The following SEMA6B variants were observed in gnomAD, a reference collection of about 807,000 sequenced individuals.
The protein encoded by SEMA6B is semaphorin-6B.
In SEMA6B, 47 loss-of-function variants were observed where a neutral mutation model predicts 78.6. The observed-to-expected ratio is 0.60, with a 90% confidence interval of 0.47 to 0.76. The LOEUF (loss-of-function observed/expected upper bound fraction) is 0.76. Among genes scored for constraint, SEMA6B ranks in the 30% least tolerant of loss-of-function variants. The pLI is 0.00. For missense variants in SEMA6B, 1,213 were observed against 1,269.9 expected, an observed-to-expected ratio of 0.96 and a Z score of 0.68; for synonymous variants, 632 against 592.2, an observed-to-expected ratio of 1.07 and a Z score of -0.98.
At position 4,557,151 on chromosome 19, in the gene SEMA6B, C is replaced by G. The variant is rs746444509; in HGVS notation, c.306+12G>C. 2 of 1,610,038 alleles carry G rather than the reference C, an allele frequency of 1.2e-6. No individual in the cohort carries two copies. Among genetic ancestry groups the G allele is most frequent in the South Asian group, 2.2e-5 (2 of 90,860 alleles). On this transcript the variant is annotated intron_variant, in intron 4 of 16. Coordinates refer to ENST00000586582, the MANE Select transcript of SEMA6B (RefSeq NM_032108.4). ...CCCTACCCCTCCACTCCCACCTGCA[C>G]CCCTTCCTCACCCTCTGGTACCGCA...
Position 4,556,848 on chromosome 19 carries a change from G to A in SEMA6B, c.369+103C>T, listed in dbSNP as rs1173018154. 4 of 1,076,066 alleles carry A rather than the reference G, an allele frequency of 3.7e-6. No homozygotes were observed. In the African/African-American group the frequency reaches 5.1e-5, roughly 14 times the overall value. The allele number at this position is 1,076,066 out of a possible 1,614,324, so 66.7% of individuals were successfully genotyped here. A position where few individuals can be genotyped will look rare whatever the true frequency, so the allele number is the denominator to read the frequency against. On this transcript the variant is annotated intron_variant, in intron 5 of 16. Coordinates refer to ENST00000586582, the MANE Select transcript of SEMA6B (RefSeq NM_032108.4). Reference sequence around the variant, plus strand: ...CTGATTGGGGGTGGGTTGGGGCGTGGCCAGGGCTGGCGGGGTGGGCGTGGC... The same window carrying A: ...CTGATTGGGGGTGGGTTGGGGCGTGACCAGGGCTGGCGGGGTGGGCGTGGC...
At chr19:4,545,601 A>G (rs898485206) in intron 16 of SEMA6B, among the ~76,000 whole-genome samples, 13 of 152,034 alleles carry the variant, frequency 8.6e-5, no homozygotes, top group African/African-American at 3.1e-4. Flanking sequence ...TGGCCTCTCA[A>G]AATGCTGGGA....
At position 4,546,425 on chromosome 19, in the gene SEMA6B, T is replaced by G; in HGVS notation, c.1646A>C (p.Asp549Ala). The change falls in exon 15 of 17, where the codon GAC (aspartate) becomes GCC (alanine). Residue 549 changes from aspartate to alanine, a missense_variant. Transcript: ENST00000586582. The part of the protein sequence containing the change: ...SQDPYCGWAP[D>A]GSCIFLSPGT... ...CGGGCTGAGGAAGATGCAGGAGCCGTCGGGGGCCCACCCGCAGTAGGGGTC... is the reference window on the plus strand; with the variant it reads ...CGGGCTGAGGAAGATGCAGGAGCCGGCGGGGGCCCACCCGCAGTAGGGGTC... 1 of 1,580,444 alleles carries G rather than the reference T, an allele frequency of 6.3e-7. No individual in the cohort carries two copies. The highest frequency in any genetic ancestry group is 8.6e-7 in the Non-Finnish European group (1 of 1,162,604).
Position 4,555,932 on chromosome 19 carries a change from CG to C in SEMA6B, c.471+55del. 1 of 1,395,406 alleles carries C rather than the reference CG, an allele frequency of 7.2e-7. No individual in the cohort carries two copies. The allele number at this position is 1,395,406 out of a possible 1,614,324, so 86.4% of individuals were successfully genotyped here. ...GGGAAAAGCCATGGCCAGCGGAGGT[CG>C]GGCGAGCAGAGGCCTGGAGGTTGGA... On this transcript the variant is annotated intron_variant, in intron 6 of 16. Coordinates refer to ENST00000586582, the MANE Select transcript of SEMA6B (RefSeq NM_032108.4). The surrounding 1 kb of genome is among the most constrained non-coding windows in gnomAD (Gnocchi z 6.1).
intron 10 of SEMA6B, 99 bp from the exon 11 acceptor site, chr19:4,551,029 T>C: frequency 7.2e-7 from 1 of 1,397,230 alleles, no homozygotes; most frequent in Non-Finnish European, 1.0e-6. Context: ...CAGTGAATCT[T>C]CAGTCTTCCT....
In SEMA6B at chr19:4,543,995, G is replaced by T. The variant is rs1316663670; in HGVS notation, c.2273C>A (p.Ala758Asp). 8.3e-7 allele frequency: 1 copy of T among 1,207,988 alleles called. No homozygotes were observed. Among genetic ancestry groups the T allele is most frequent in the Non-Finnish European group, 1.0e-6 (1 of 972,894 alleles). The allele number at this position is 1,207,988 out of a possible 1,614,324, so 74.8% of individuals were successfully genotyped here. A position where few individuals can be genotyped will look rare whatever the true frequency, so the allele number is the denominator to read the frequency against. Reference sequence around the variant, plus strand: ...CCCAGGCGCGGGGGGCTGCTCGGGGGCCCGGGCGGGCGCCAGCAGCAGGAG... The same window carrying T: ...CCCAGGCGCGGGGGGCTGCTCGGGGTCCCGGGCGGGCGCCAGCAGCAGGAG... ...SSLLLLAPAR[A>D]PEQPPAPGEP... Residue 758 changes from alanine (A) to aspartate (D), a missense_variant, in exon 17 of 17, where the codon GCC (alanine) becomes GAC (aspartate). Coordinates refer to ENST00000586582, the MANE Select transcript of SEMA6B (RefSeq NM_032108.4).
Position 4,550,990 on chromosome 19 carries a change from T to A in SEMA6B, c.990-60A>T. 1 of 1,594,372 alleles carries A rather than the reference T, an allele frequency of 6.3e-7. No homozygotes were observed. Among genetic ancestry groups the A allele is most frequent in the Non-Finnish European group, 8.6e-7 (1 of 1,165,506 alleles). On this transcript the variant is annotated intron_variant, in intron 10 of 16. Transcript: ENST00000586582. The surrounding 1 kb of genome is among the most constrained non-coding windows in gnomAD (Gnocchi z 6.6). ...GGTGGGAGGCCCCATCTCGGACAAG[T>A]GCGTGCAGGAGCCTCTGTCTGCAGG... is the stretch of plus-strand genomic sequence containing the variant.
At position 4,555,966 on chromosome 19, in the gene SEMA6B, C is replaced by A; in HGVS notation, c.471+22G>T. On this transcript the variant is annotated intron_variant, in intron 6 of 16. Transcript: ENST00000586582. The surrounding 1 kb of genome is among the most constrained non-coding windows in gnomAD (Gnocchi z 6.1). ...AGAGGCCTGGAGGTTGGACCTGGGG[C>A]GCAGGGAGTCTGAAGACTCACGCTG... is the stretch of plus-strand genomic sequence containing the variant. 5.6e-6 allele frequency: 9 copies of A among 1,593,272 alleles called. No homozygotes were observed. The highest frequency in any genetic ancestry group is 2.2e-5 in the South Asian group (2 of 90,652).
rs367572497 is a variant in SEMA6B, at chr19:4,546,426, C to T, written c.1645G>A (p.Asp549Asn). 55 of 1,579,836 alleles carry T rather than the reference C, an allele frequency of 3.5e-5. No homozygotes were observed. The highest frequency in any genetic ancestry group is 5.4e-5 in the Admixed American group (3 of 55,794). Residue 549 changes from aspartate to asparagine, a missense_variant, in exon 15 of 17, where the codon GAC becomes AAC. By Grantham distance (23) the Asp-to-Asn change is conservative. Transcript: ENST00000586582. Reference sequence around the variant, plus strand: ...GGGCTGAGGAAGATGCAGGAGCCGTCGGGGGCCCACCCGCAGTAGGGGTCC... The same window carrying T: ...GGGCTGAGGAAGATGCAGGAGCCGTTGGGGGCCCACCCGCAGTAGGGGTCC... ...SQDPYCGWAP[D>N]GSCIFLSPGT...
At position 4,544,499 on chromosome 19, in the gene SEMA6B, C is replaced by A; in HGVS notation, c.1769G>T (p.Arg590Leu). 1.3e-6 allele frequency: 2 copies of A among 1,574,888 alleles called. No individual in the cohort carries two copies. Among genetic ancestry groups the A allele is most frequent in the South Asian group, 1.1e-5 (1 of 87,258 alleles). ...GLLRASLSED[R>L]AGLVSVNLLV... ...CAGGTTCACCGACACCAGCCCCGCG[C>A]GGTCCTCGGAGAGGCTGGCCCGCAG... The change falls in exon 17 of 17, where the codon CGC (arginine) becomes CTC (leucine). Residue 590 changes from arginine to leucine, a missense_variant. Coordinates refer to ENST00000586582, the MANE Select transcript of SEMA6B (RefSeq NM_032108.4). The surrounding 1 kb of genome is among the most constrained non-coding windows in gnomAD (Gnocchi z 5.1).
intron 12 of SEMA6B, among the ~76,000 whole-genome samples, chr19:4,548,816 C>T (rs899437589): frequency 5.9e-5 from 9 of 152,148 alleles, no homozygotes; most frequent in Admixed American, 1.3e-4. Flanking sequence ...TACAGGCACA[C>T]GCCATCACGC....
At chr19:4,556,516 C>A (rs1198323626) in intron 5 of SEMA6B, among the ~76,000 whole-genome samples, 1 of 2,688 alleles carries the variant, frequency 3.7e-4, no homozygotes, top group Non-Finnish European at 7.4e-4. Context: ...CTTATTGGGG[C>A]GGGCCGGGGG....
In SEMA6B at chr19:4,543,374, T is replaced by TTGGGGGGGGG; in HGVS notation, c.*226_*227insCCCCCCCCCA. 1 of 363,572 alleles carries TTGGGGGGGGG rather than the reference T, an allele frequency of 2.8e-6. No homozygotes were observed. Among genetic ancestry groups the TTGGGGGGGGG allele is most frequent in the Non-Finnish European group, 4.8e-6 (1 of 208,168 alleles). The allele number at this position is 363,572 out of a possible 1,614,324, so 22.5% of individuals were successfully genotyped here. ...CAACCTCAAATCCATAGCAAAGTCC[T>TTGGGGGGGGG]CCCGCCCACCCACCCCCAAACCGTC... is the stretch of plus-strand genomic sequence containing the variant. On this transcript the variant is annotated 3_prime_UTR_variant, in exon 17 of 17. Transcript: ENST00000586582.
At position 4,548,097 on chromosome 19, in the gene SEMA6B, G is replaced by C; in HGVS notation, c.1531C>G (p.Leu511Val). 4 of 1,591,818 alleles carry C rather than the reference G, an allele frequency of 2.5e-6. No individual in the cohort carries two copies. The highest frequency in any genetic ancestry group is 3.4e-6 in the Non-Finnish European group (4 of 1,174,498). Residue 511 changes from leucine (L) to valine (V), a missense_variant, in exon 14 of 17, where the codon CTG (leucine) becomes GTG (valine). By Grantham distance (32) the Leu-to-Val change is conservative (BLOSUM62 1). Transcript: ENST00000586582. ...LELDAASGGL[L>V]AAFPRCVVRV... ...ACCACGCAGCGGGGGAAGGCAGCCA[G>C]CAGGCCCCCCGAAGCTGCGTCCAGC...
At position 4,555,251 on chromosome 19, in the gene SEMA6B, C is replaced by A. The variant is rs976254630; in HGVS notation, c.563-156G>T. The stretch of plus-strand genomic sequence containing the variant: ...GATCCCATCCAAGCCCCACCTCCAT[C>A]CAAGCCCTGACCTTAACTGAGCCCC... On this transcript the variant is annotated intron_variant, in intron 7 of 16. Coordinates refer to ENST00000586582, the MANE Select transcript of SEMA6B (RefSeq NM_032108.4). The surrounding 1 kb of genome is among the most constrained non-coding windows in gnomAD (Gnocchi z 6.1). Among the ~76,000 whole-genome samples, 1 of 152,152 alleles carries A rather than the reference C, an allele frequency of 6.6e-6. No individual in the cohort carries two copies. The highest frequency in any genetic ancestry group is 2.4e-5 in the African/African-American group (1 of 41,442).
intron 9 of SEMA6B, among the ~76,000 whole-genome samples, chr19:4,553,854 AGATG>A (rs1977402619): frequency 6.6e-5 from 10 of 150,848 alleles, no homozygotes; most frequent in African/African-American, 2.4e-4. Context: ...GATGATGGAT[AGATG>A]GATGGATAGG....
At position 4,543,910 on chromosome 19, in the gene SEMA6B, G is replaced by T. The variant is rs538740826; in HGVS notation, c.2358C>A (p.Asp786Glu). Residue 786 changes from aspartate (D) to glutamate (E), a missense_variant, in exon 17 of 17, where the codon GAC (aspartate) becomes GAA (glutamate). By Grantham distance (45) the Asp-to-Glu change is conservative. Transcript: ENST00000586582. ...GGCTGGCGTGGGGGGTGAGCGGGAAGTCGCCGTGGGAGGCGCGGCCGGGCC... is the reference window on the plus strand; with the variant it reads ...GGCTGGCGTGGGGGGTGAGCGGGAATTCGCCGTGGGAGGCGCGGCCGGGCC... The part of the protein sequence containing the change: ...AARPGRASHG[D>E]FPLTPHASPD... 4.1e-5 allele frequency: 49 copies of T among 1,203,022 alleles called. No individual in the cohort carries two copies. Among genetic ancestry groups the T allele is most frequent in the Middle Eastern group, 6.7e-4 (2 of 3,002 alleles). 74.5% of individuals were successfully genotyped at this position (1,203,022 alleles called of 1,614,324 possible).
chr19:4,553,379 G>GTGTATGGATGGATGGA (rs1977382372), intron 9 of SEMA6B, among the ~76,000 whole-genome samples: 2 of 116,602 alleles, frequency 1.7e-5, no homozygotes, highest in South Asian at 3.1e-4. Context: ...GGATGGGTGA[G>GTGTATGGATGGATGGA]TGGATGGATG....
chr19:4,548,229 C>A, intron 13 of SEMA6B, 34 bp downstream of exon 13: 1 of 1,592,132 alleles, frequency 6.3e-7, no homozygotes, highest in Non-Finnish European at 8.6e-7. Flanking sequence ...TCCCCTCCTG[C>A]TGGCGACCCC....
Sources: gnomAD v4.1 joint callset for allele counts (sites outside exome capture counted in the v4.1 genomes callset) on GRCh38, gnomAD v4.1.1 for gene constraint, Gnocchi (gnomAD v3.1) non-coding constraint, MANE v1.5 for transcripts, NCBI Gene and HGNC (gene_info 2026-07-23, HGNC 2026-07-21) for gene names.